TTC27: variants seen among roughly 807,000 people sequenced by gnomAD.
TTC27 encodes the protein tetratricopeptide repeat protein 27.
TTC27 carries 79 observed loss-of-function variants against 115.9 expected under a neutral mutation model. The observed-to-expected ratio is 0.68, with a 90% CI of 0.57 to 0.82. The LOEUF (loss-of-function observed/expected upper bound fraction) is 0.82. TTC27 is among the 40% of genes least tolerant of loss of function. TTC27 has a pLI of 0.00. For synonymous variants in TTC27, 401 were observed against 356.0 expected, an observed-to-expected ratio of 1.13 and a Z score of -1.42; for missense variants, 1,054 against 993.1, an observed-to-expected ratio of 1.06 and a Z score of -0.82.
At chr2:32,763,148 G>A (rs560080083) in intron 13 of TTC27, among the ~76,000 whole-genome samples, 1 of 152,292 alleles carries the variant, frequency 6.6e-6, no homozygotes, top group South Asian at 2.1e-4. Flanking sequence ...AAAATATTTT[G>A]GAGCTTCTCA....
chr2:32,680,815 C>A (rs988313200), intron 9 of TTC27, among the ~76,000 whole-genome samples: 2 of 152,178 alleles, frequency 1.3e-5, no homozygotes, highest in African/African-American at 4.8e-5. Flanking sequence ...CACAGTTATC[C>A]TGAAGACACT....
intron 8 of TTC27, among the ~76,000 whole-genome samples, chr2:32,676,952 A>G (rs1666231692): frequency 6.6e-6 from 1 of 151,892 alleles, no homozygotes; most frequent in Admixed American, 6.6e-5. Context: ...TATATTAAGA[A>G]TATTTAATAT....
At chr2:32,630,497 TACC>T in intron 1 of TTC27, 23 bp from the exon 2 acceptor site, 1 of 1,558,418 alleles carries the variant, frequency 6.4e-7, no homozygotes, top group Non-Finnish European at 8.7e-7. Flanking sequence ...TTTTTTGGAT[TACC>T]GCACTAATTT....
intron 13 of TTC27, among the ~76,000 whole-genome samples, chr2:32,772,867 G>A (rs2148008604): frequency 6.6e-6 from 1 of 152,200 alleles, no homozygotes; most frequent in Non-Finnish European, 1.5e-5. Flanking sequence ...GGCATCTGGA[G>A]AACTCAGGAA....
At chr2:32,691,827 A>G (rs1192793234) in intron 9 of TTC27, among the ~76,000 whole-genome samples, 1 of 151,918 alleles carries the variant, frequency 6.6e-6, no homozygotes, top group Admixed American at 6.6e-5. Flanking sequence ...GTCACCTTTT[A>G]TAGATTTTGG....
intron 13 of TTC27, among the ~76,000 whole-genome samples, chr2:32,764,515 G>A (rs974699918): frequency 6.6e-6 from 1 of 152,214 alleles, no homozygotes; most frequent in African/African-American, 2.4e-5. Flanking sequence ...GGAAGGTCTT[G>A]TCTCAGTGTT....
intron 10 of TTC27, among the ~76,000 whole-genome samples, chr2:32,720,436 T>G (rs974582042): frequency 3.9e-5 from 6 of 152,106 alleles, no homozygotes; most frequent in African/African-American, 7.2e-5. Context: ...ATCTGGCACT[T>G]CAATAATCTG....
chr2:32,798,450 T>C (rs1426438714), intron 16 of TTC27, among the ~76,000 whole-genome samples: 2 of 149,506 alleles, frequency 1.3e-5, no homozygotes, highest in African/African-American at 5.0e-5. Flanking sequence ...ACGCCTGTAA[T>C]CCCAGAACTT....
intron 10 of TTC27, among the ~76,000 whole-genome samples, chr2:32,721,321 G>A (rs1197243406): frequency 6.6e-6 from 1 of 152,084 alleles, no homozygotes; most frequent in Non-Finnish European, 1.5e-5. Context: ...CATAGAAAAG[G>A]AAATAAATTG....
rs75643745 is a variant in TTC27 at position 32,733,448 on chromosome 2, A to G, written c.1234-380A>G. Among the ~76,000 whole-genome samples, 1,060 of 152,298 alleles carry G rather than the reference A, an allele frequency of 7.0e-3. 15 individuals are homozygous for G. Among genetic ancestry groups the G allele is most frequent in the African/African-American group, 0.024 (1,008 of 41,564 alleles). ...TAATCCTACATAGAGTTCTTCATGT[A>G]ATTTTTCTCTGATTTATATTATAAA... On this transcript the variant is annotated intron_variant, in intron 10 of 19. Coordinates refer to ENST00000317907, the MANE Select transcript of TTC27 (RefSeq NM_017735.5).
chr2:32,754,420 G>C (rs554953177), intron 12 of TTC27, among the ~76,000 whole-genome samples: 1 of 149,564 alleles, frequency 6.7e-6, no homozygotes, highest in East Asian at 1.9e-4. Flanking sequence ...ATTTAACCCT[G>C]AGTGGACACA....
Position 32,666,640 on chromosome 2 carries a change from T to G in TTC27, c.811T>G (p.Leu271Val), listed in dbSNP as rs1665786930. 1 of 1,613,796 alleles carries G rather than the reference T, an allele frequency of 6.2e-7. No individual in the cohort carries two copies. Among genetic ancestry groups the G allele is most frequent in the South Asian group, 1.1e-5 (1 of 91,060 alleles). The change falls in exon 7 of 20, where the codon TTG becomes GTG. Residue 271 changes from leucine to valine, a missense_variant. Coordinates refer to ENST00000317907, the MANE Select transcript of TTC27 (RefSeq NM_017735.5). The part of the protein sequence containing the change: ...SQLQIDLTGA[L>V]GKRTRFQENY... Reference sequence around the variant, plus strand: ...TAATTTTATTGTTTTTTCAGGTGCTTTGGGAAAAAGAACACGGTTCCAGGA... The same window carrying G: ...TAATTTTATTGTTTTTTCAGGTGCTGTGGGAAAAAGAACACGGTTCCAGGA...
At chr2:32,818,334 T>TA (rs1001651636) in intron 19 of TTC27, among the ~76,000 whole-genome samples, 2 of 152,144 alleles carry the variant, frequency 1.3e-5, no homozygotes, top group Admixed American at 6.5e-5. Flanking sequence ...GACTCTTAAG[T>TA]AAAAAAATTG....
At chr2:32,661,054 T>C (rs1402063201) in intron 5 of TTC27, among the ~76,000 whole-genome samples, 1 of 152,134 alleles carries the variant, frequency 6.6e-6, no homozygotes, top group Non-Finnish European at 1.5e-5. Flanking sequence ...GTTTTTGTCA[T>C]GTTTGTCAAA....
At chr2:32,688,244 A>G (rs1470734570) in intron 9 of TTC27, among the ~76,000 whole-genome samples, 1 of 152,162 alleles carries the variant, frequency 6.6e-6, no homozygotes. Context: ...TGGACCACAG[A>G]ACAAAACAGA....
intron 9 of TTC27, among the ~76,000 whole-genome samples, chr2:32,679,147 G>C (rs1666331530): frequency 6.6e-6 from 1 of 152,200 alleles, no homozygotes; most frequent in Admixed American, 6.5e-5. Context: ...TGGTGAAAAA[G>C]AAAGCTAGGA....
chr2:32,748,128 TC>T (rs1162476679), intron 12 of TTC27, among the ~76,000 whole-genome samples: 1 of 152,188 alleles, frequency 6.6e-6, no homozygotes, highest in African/African-American at 2.4e-5. Flanking sequence ...TTTTGCTACA[TC>T]CCGTAAGTTT....
chr2:32,676,186 C>A (rs1666197161), intron 8 of TTC27, among the ~76,000 whole-genome samples: 1 of 151,860 alleles, frequency 6.6e-6, no homozygotes, highest in Non-Finnish European at 1.5e-5. Context: ...TGGCCTCCTG[C>A]TTGAGTTGGA....
chr2:32,799,519 AT>A (rs753023024), intron 16 of TTC27, among the ~76,000 whole-genome samples: 41 of 152,352 alleles, frequency 2.7e-4, no homozygotes, highest in Middle Eastern at 6.8e-3. Context: ...TCTATGCTAA[AT>A]ATTTTTAATC....
Sources: gnomAD v4.1 joint callset for allele counts (sites outside exome capture counted in the v4.1 genomes callset) on GRCh38, gnomAD v4.1.1 for gene constraint, MANE v1.5 for transcripts, NCBI Gene and HGNC (gene_info 2026-07-23, HGNC 2026-07-21) for gene names.